Variants in ARHGAP10 observed in about 807,000 individuals in gnomAD.
The protein encoded by ARHGAP10 is rho GTPase-activating protein 10.
ARHGAP10 carries 87 observed loss-of-function variants against 108.6 expected under a neutral mutation model. The observed-to-expected ratio is 0.80, with a 90% CI of 0.67 to 0.96. The LOEUF is 0.96. Among genes scored for constraint, ARHGAP10 ranks in the 40% least tolerant of loss-of-function variants. ARHGAP10 has a pLI of 0.00. For synonymous variants in ARHGAP10, 347 were observed against 341.1 expected (o/e 1.02, Z -0.19); for missense variants, 939 against 954.5 (o/e 0.98, Z 0.21).
rs536152545 is a variant in ARHGAP10, at chr4:147,760,407, C to T, written c.154+27952C>T. Among the ~76,000 whole-genome samples, 16 of 152,304 alleles carry T rather than the reference C, an allele frequency of 1.1e-4. No individual in the cohort carries two copies. The Middle Eastern group carries it at 0.014, about 130-fold the overall frequency. Reference sequence around the variant, plus strand: ...TTATCAGGTTTCTACTTGGCAACGTCAGGGTTTGAATCCAGCAGCTCCCGT... The same window carrying T: ...TTATCAGGTTTCTACTTGGCAACGTTAGGGTTTGAATCCAGCAGCTCCCGT... On this transcript the variant is annotated intron_variant, in intron 1 of 22. Transcript: ENST00000336498.
chr4:147,966,989 T>C (rs898749059), intron 18 of ARHGAP10, 150 bp downstream of exon 18: 3 of 660,610 alleles, frequency 4.5e-6, no homozygotes, highest in Admixed American at 7.5e-5. Context: ...GAAGTTCTCA[T>C]TGAGCTTCTG....
At chr4:147,734,704 T>A (rs1003236161) in intron 1 of ARHGAP10, among the ~76,000 whole-genome samples, 8 of 152,178 alleles carry the variant, frequency 5.3e-5, no homozygotes, top group African/African-American at 1.9e-4. Flanking sequence ...CCTGTCTACC[T>A]CTTAGGGGAA....
At chr4:148,062,226 T>A (rs1011013910) in intron 20 of ARHGAP10, among the ~76,000 whole-genome samples, 4 of 152,150 alleles carry the variant, frequency 2.6e-5, no homozygotes, top group African/African-American at 9.7e-5. Context: ...CAGGAGACCA[T>A]GCTGGTACTG....
At chr4:147,765,495 T>C (rs1226654193) in intron 1 of ARHGAP10, among the ~76,000 whole-genome samples, 1 of 152,194 alleles carries the variant, frequency 6.6e-6, no homozygotes, top group Non-Finnish European at 1.5e-5. Context: ...TGAAGAATGC[T>C]AGTGCTGATA....
At chr4:147,861,646 C>T (rs1734326639) in intron 5 of ARHGAP10, 1 of 152,308 alleles carries the variant, frequency 6.6e-6, no homozygotes, top group African/African-American at 2.4e-5. Context: ...TAGCCTTTTT[C>T]TGCAGGCAGG....
chr4:147,853,527 C>A (rs1462260591), intron 4 of ARHGAP10, among the ~76,000 whole-genome samples: 1 of 151,942 alleles, frequency 6.6e-6, no homozygotes, highest in Non-Finnish European at 1.5e-5. Flanking sequence ...AATCTGGTAC[C>A]CTATAGAAAA....
At chr4:147,774,581 G>A (rs989571224) in intron 1 of ARHGAP10, among the ~76,000 whole-genome samples, 8 of 152,088 alleles carry the variant, frequency 5.3e-5, no homozygotes, top group African/African-American at 1.9e-4. Context: ...ATAACCTTTA[G>A]GGCTCAGCCT....
chr4:147,976,889 A>C (rs906830860), intron 18 of ARHGAP10, among the ~76,000 whole-genome samples: 1 of 152,236 alleles, frequency 6.6e-6, no homozygotes, highest in African/African-American at 2.4e-5. Flanking sequence ...GCATAGATTT[A>C]TTCTGTGTTG....
intron 3 of ARHGAP10, among the ~76,000 whole-genome samples, chr4:147,841,577 T>C (rs1489721397): frequency 6.6e-6 from 1 of 152,180 alleles, no homozygotes; most frequent in Non-Finnish European, 1.5e-5. Context: ...TACTAACAAA[T>C]ATTATATAAT....
chr4:147,770,307 TG>T (rs1480558271), intron 1 of ARHGAP10, among the ~76,000 whole-genome samples: 1 of 152,150 alleles, frequency 6.6e-6, no homozygotes, highest in Non-Finnish European at 1.5e-5. Context: ...GGAGGATCAT[TG>T]GAGGTCAGGA....
intron 3 of ARHGAP10, among the ~76,000 whole-genome samples, chr4:147,846,939 T>A (rs1014566496): frequency 3.3e-5 from 5 of 152,252 alleles, no homozygotes; most frequent in African/African-American, 1.2e-4. Context: ...ACTGGCAATC[T>A]GCCCACCTCC....
intron 1 of ARHGAP10, among the ~76,000 whole-genome samples, chr4:147,782,982 T>C (rs1235662786): frequency 7.1e-6 from 1 of 140,994 alleles, no homozygotes; most frequent in Non-Finnish European, 1.5e-5. Context: ...TTATATATTA[T>C]ATAAATTATA....
At position 147,839,138 on chromosome 4, in the gene ARHGAP10, ATCTATCTGTCTG is replaced by A. The variant is rs1397467386; in HGVS notation, c.313-8009_313-7998del. ...TATCTATCTATCTATCTATCTATCT[ATCTATCTGTCTG>A]TCTGTCTATGTATATATAAAGTTTC... On this transcript the variant is annotated intron_variant, in intron 3 of 22. Transcript: ENST00000336498. 2.3e-3 allele frequency among the ~76,000 whole-genome samples: 298 copies of A among 128,180 alleles called. 2 individuals are homozygous for A. Among genetic ancestry groups the A allele is most frequent in the African/African-American group, 8.2e-3 (282 of 34,464 alleles). The allele number at this position is 128,180 out of a possible 152,430, so 84.1% of individuals were successfully genotyped here.
intron 10 of ARHGAP10, among the ~76,000 whole-genome samples, chr4:147,888,191 G>C (rs1427547451): frequency 6.6e-6 from 1 of 152,072 alleles, no homozygotes; most frequent in Non-Finnish European, 1.5e-5. Context: ...AGATGTTTTC[G>C]CTCTTCACTC....
chr4:147,738,755 T>A (rs917675513), intron 1 of ARHGAP10, among the ~76,000 whole-genome samples: 1 of 152,116 alleles, frequency 6.6e-6, no homozygotes, highest in African/African-American at 2.4e-5. Flanking sequence ...TATCTAACCT[T>A]TTAGTGTTTA....
intron 10 of ARHGAP10, among the ~76,000 whole-genome samples, chr4:147,894,555 G>C (rs888149188): frequency 1.3e-5 from 2 of 152,084 alleles, no homozygotes; most frequent in Admixed American, 6.5e-5. Context: ...ACTTGAGGTT[G>C]AATTTATCAG....
intron 1 of ARHGAP10, among the ~76,000 whole-genome samples, chr4:147,734,291 G>A (rs1728338116): frequency 1.3e-5 from 2 of 152,148 alleles, no homozygotes; most frequent in South Asian, 4.1e-4. Flanking sequence ...ACATGCGTTA[G>A]GTTCCAGCAG....
intron 13 of ARHGAP10, 86 bp from the exon 14 acceptor site, chr4:147,939,739 T>C (rs1738099953): frequency 8.5e-7 from 1 of 1,177,690 alleles, no homozygotes; most frequent in Admixed American, 1.7e-5. Context: ...CTAATGTTAG[T>C]TAGCAAAGAT....
Position 147,914,578 on chromosome 4 carries a change from T to G in ARHGAP10, c.1228+1439T>G, listed in dbSNP as rs1270800419. ...CGCTCCCCCCCCCCCCTTTTTTTTT[T>G]TAACATCTTCAGCATTTTTGTACAA... is the stretch of plus-strand genomic sequence containing the variant. On this transcript the variant is annotated intron_variant, in intron 13 of 22. Coordinates refer to ENST00000336498, the MANE Select transcript of ARHGAP10 (RefSeq NM_024605.4). Among the ~76,000 whole-genome samples the G allele has an allele frequency of 4.3e-4, 27 of 62,276 alleles. No individual in the cohort carries two copies. The Admixed American group carries it at 6.4e-3, about 15-fold the overall frequency. The allele number at this position is 62,276 out of a possible 152,430, so 40.9% of individuals were successfully genotyped here. A position where few individuals can be genotyped will look rare whatever the true frequency, so the allele number is the denominator to read the frequency against.
Sources: allele counts gnomAD v4.1 joint callset (sites outside exome capture counted in the v4.1 genomes callset), GRCh38; gene constraint gnomAD v4.1.1; transcripts MANE v1.5; gene names NCBI Gene and HGNC (gene_info 2026-07-23, HGNC 2026-07-21).